Variants in PPARA observed in about 807,000 individuals in gnomAD.
The protein encoded by PPARA is peroxisome proliferator activated receptor alpha, also known as peroxisome proliferator-activated receptor alpha.
A neutral mutation model predicts 42.2 loss-of-function variants in PPARA; 22 were observed. That is an observed-to-expected ratio of 0.52 (90% CI 0.37 to 0.74). PPARA has a LOEUF of 0.74. Ranked by LOEUF, PPARA falls within the 30% of genes least tolerant of loss-of-function variation. The pLI is 0.00. For synonymous variants in PPARA, 242 were observed against 239.3 expected (o/e 1.01, Z -0.10); for missense variants, 465 against 608.2 (o/e 0.76, Z 2.48).
chr22:46,173,461 T>A lies in PPARA; in HGVS notation c.-126-3292T>A, dbSNP rs1309534842. Among the ~76,000 whole-genome samples the A allele has an allele frequency of 2.0e-5, 3 of 152,216 alleles. No homozygotes were observed. The highest frequency in any genetic ancestry group is 4.4e-5 in the Non-Finnish European group (3 of 68,046). On this transcript the variant is annotated intron_variant, in intron 2 of 8. Transcript: ENST00000407236. The surrounding 1 kb of genome is among the most constrained non-coding windows in gnomAD (Gnocchi z 4.3). ...GGTTCTTATTAACTGTGGATTCTTC[T>A]ATGCAGATATCTGTCACAATATAAG...
rs868126470 is a variant in PPARA, at chr22:46,187,462, C to G, written c.-43+10626C>G. On this transcript the variant is annotated intron_variant, in intron 3 of 8. Transcript: ENST00000407236. The surrounding 1 kb of genome is among the most constrained non-coding windows in gnomAD (Gnocchi z 4.9). ...AGTTGTCAGGATCAGCTCTTTATCT[C>G]GCAGTCCTCCTGCCTCTTGTGTCAT... 6.6e-5 allele frequency among the ~76,000 whole-genome samples: 10 copies of G among 152,234 alleles called. No homozygotes were observed. Among genetic ancestry groups the G allele is most frequent in the Non-Finnish European group, 8.8e-5 (6 of 68,046 alleles).
rs1450088396 is a variant in PPARA, at chr22:46,203,364, G to T, written c.208+4773G>T. Among the ~76,000 whole-genome samples the T allele has an allele frequency of 2.0e-5, 3 of 152,150 alleles. No individual in the cohort carries two copies. The highest frequency in any genetic ancestry group is 4.8e-5 in the African/African-American group (2 of 41,446). On this transcript the variant is annotated intron_variant, in intron 4 of 8. Transcript: ENST00000407236. This position sits in a 1 kb window ranked among gnomAD's most constrained non-coding sequence, Gnocchi z 5.8. The stretch of plus-strand genomic sequence containing the variant: ...CCAGGAGACCGGATGGGTGAGGCTG[G>T]TTCACTCGGCCAAAGTACCATTTTA...
intron 4 of PPARA, among the ~76,000 whole-genome samples, chr22:46,207,644 TTTATTATTATTATTA>T (rs34052175): frequency 6.5e-5 from 6 of 91,758 alleles, no homozygotes; most frequent in African/African-American, 2.0e-4. Flanking sequence ...AATTAATTAA[TTTATTATTATTATTA>T]TTATTATTAT....
chr22:46,163,466 A>G lies in PPARA; in HGVS notation c.-127+11496A>G, dbSNP rs1569186197. 1 of 152,236 alleles carries G rather than the reference A, an allele frequency of 6.6e-6. No homozygotes were observed. The highest frequency in any genetic ancestry group is 1.5e-5 in the Non-Finnish European group (1 of 68,050). 9.4% of individuals were successfully genotyped at this position (152,236 alleles called of 1,614,324 possible). A position where few individuals can be genotyped will look rare whatever the true frequency, so the allele number is the denominator to read the frequency against. On this transcript the variant is annotated intron_variant, in intron 2 of 8. Coordinates refer to ENST00000407236, the MANE Select transcript of PPARA (RefSeq NM_005036.6). This position sits in a 1 kb window ranked among gnomAD's most constrained non-coding sequence, Gnocchi z 4.9. ...CTCCGTCACTGATAGTTCTAGCCTGAAAAGCAAATGAGCCCTCATGCTCAC... is the reference window on the plus strand; with the variant it reads ...CTCCGTCACTGATAGTTCTAGCCTGGAAAGCAAATGAGCCCTCATGCTCAC...
intron 5 of PPARA, among the ~76,000 whole-genome samples, chr22:46,215,614 C>T (rs541310661): frequency 6.6e-6 from 1 of 151,792 alleles, no homozygotes; most frequent in East Asian, 1.9e-4. Flanking sequence ...TGGTGGTGGG[C>T]GCCTGTAAGC....
In PPARA at chr22:46,173,108, G is replaced by T. The variant is rs1928348197; in HGVS notation, c.-126-3645G>T. Among the ~76,000 whole-genome samples the T allele has an allele frequency of 6.6e-6, 1 of 152,170 alleles. No homozygotes were observed. Among genetic ancestry groups the T allele is most frequent in the African/African-American group, 2.4e-5 (1 of 41,444 alleles). On this transcript the variant is annotated intron_variant, in intron 2 of 8. Transcript: ENST00000407236. This position sits in a 1 kb window ranked among gnomAD's most constrained non-coding sequence, Gnocchi z 4.3. Reference sequence around the variant, plus strand: ...TGTCCTGCAACCAGCTCTTGCAGAAGGTACTTGGTTTATTGTTAACCGATG... The same window carrying T: ...TGTCCTGCAACCAGCTCTTGCAGAATGTACTTGGTTTATTGTTAACCGATG...
Position 46,167,864 on chromosome 22 carries a change from A to G in PPARA, c.-126-8889A>G, listed in dbSNP as rs1927306079. Among the ~76,000 whole-genome samples, 1 of 149,574 alleles carries G rather than the reference A, an allele frequency of 6.7e-6. No homozygotes were observed. The highest frequency in any genetic ancestry group is 2.5e-5 in the African/African-American group (1 of 39,570). ...CCGAGAGCAGCCTGGGCAACATAAC[A>G]AGAGTGGGTCTTTACCAAAAAAAAA... On this transcript the variant is annotated intron_variant, in intron 2 of 8. Coordinates refer to ENST00000407236, the MANE Select transcript of PPARA (RefSeq NM_005036.6). This position sits in a 1 kb window ranked among gnomAD's most constrained non-coding sequence, Gnocchi z 4.1.
intron 2 of PPARA, among the ~76,000 whole-genome samples, chr22:46,170,399 C>T (rs918636995): frequency 6.7e-5 from 8 of 120,174 alleles, no homozygotes; most frequent in African/African-American, 2.4e-4. Flanking sequence ...CCACACCCAG[C>T]TAATTTTTTT....
chr22:46,235,466 C>T lies in PPARA; in HGVS notation c.*86C>T. The T allele has an allele frequency of 6.6e-7, 1 of 1,524,312 alleles. No homozygotes were observed. Among genetic ancestry groups the T allele is most frequent in the Non-Finnish European group, 8.9e-7 (1 of 1,120,920 alleles). The allele number at this position is 1,524,312 out of a possible 1,614,324, so 94.4% of individuals were successfully genotyped here. A position where few individuals can be genotyped will look rare whatever the true frequency, so the allele number is the denominator to read the frequency against. ...GACGGGGGAGCAGCACGATTTTGCACAAATATCCACCACTTTAACCTTAGA... is the reference window on the plus strand; with the variant it reads ...GACGGGGGAGCAGCACGATTTTGCATAAATATCCACCACTTTAACCTTAGA... On this transcript the variant is annotated 3_prime_UTR_variant, in exon 9 of 9. Transcript: ENST00000407236. This position sits in a 1 kb window ranked among gnomAD's most constrained non-coding sequence, Gnocchi z 7.0.
intron 4 of PPARA, among the ~76,000 whole-genome samples, chr22:46,201,674 G>A (rs1430769310): frequency 6.6e-6 from 1 of 152,170 alleles, no homozygotes; most frequent in Admixed American, 6.5e-5. Flanking sequence ...GAGCAGCCTT[G>A]TGAGGTCGTT....
intron 3 of PPARA, 88 bp from the exon 4 acceptor site, chr22:46,198,254 G>C: frequency 2.9e-6 from 1 of 344,976 alleles, no homozygotes; most frequent in Non-Finnish European, 4.5e-6. Flanking sequence ...AAAAAAAAAA[G>C]AATAAATAAA....
At chr22:46,168,102 C>T (rs1041777192) in intron 2 of PPARA, among the ~76,000 whole-genome samples, 16 of 151,578 alleles carry the variant, frequency 1.1e-4, no homozygotes, top group African/African-American at 3.9e-4. Context: ...CCTGTAATCC[C>T]AGCACTTTGG....
chr22:46,169,480 C>T lies in PPARA; in HGVS notation c.-126-7273C>T, dbSNP rs553821695. 2.0e-5 allele frequency among the ~76,000 whole-genome samples: 3 copies of T among 151,744 alleles called. No homozygotes were observed. The Admixed American group carries it at 2.0e-4, about 10-fold the overall frequency. ...TGATCTCCTGCTGTCGTGATCTGCC[C>T]GCCTCGGCCTCCCAAAGTGCTGGGA... On this transcript the variant is annotated intron_variant, in intron 2 of 8. Coordinates refer to ENST00000407236, the MANE Select transcript of PPARA (RefSeq NM_005036.6).
chr22:46,214,336 C>G (rs4253729), intron 4 of PPARA, among the ~76,000 whole-genome samples: 8,199 of 135,144 alleles, frequency 0.061, 638 homozygotes, highest in African/African-American at 0.2. Context: ...GAGATGTGCG[C>G]GTACCCAGAG....
Position 46,239,833 on chromosome 22 carries a change from G to T in PPARA, c.*4453G>T, listed in dbSNP as rs765827277. 6.6e-5 allele frequency: 14 copies of T among 210,986 alleles called. No individual in the cohort carries two copies. Among genetic ancestry groups the T allele is most frequent in the Non-Finnish European group, 1.0e-4 (11 of 107,288 alleles). The allele number at this position is 210,986 out of a possible 1,614,324, so 13.1% of individuals were successfully genotyped here. On this transcript the variant is annotated 3_prime_UTR_variant, in exon 9 of 9. Transcript: ENST00000407236. ...CTTGCACCTGGGCCTCTCTGTGTTT[G>T]GTTCCAAGCACTTCCCACCTCAAAC... is the stretch of plus-strand genomic sequence containing the variant.
chr22:46,207,674 A>ATTTTTTTTTTTTTTTTTTTTTTTTT (rs1370055842), intron 4 of PPARA, among the ~76,000 whole-genome samples: 1 of 61,726 alleles, frequency 1.6e-5, no homozygotes, highest in Non-Finnish European at 3.0e-5. Flanking sequence ...TATTATTATT[A>ATTTTTTTTTTTTTTTTTTTTTTTTT]TTATTTTTTT....
At chr22:46,174,917 C>CT (rs199602689) in intron 2 of PPARA, among the ~76,000 whole-genome samples, 153 of 145,834 alleles carry the variant, frequency 1.0e-3, no homozygotes, top group East Asian at 9.0e-3. Flanking sequence ...GTTTTTTTTA[C>CT]TTTTTTTTTT....
At chr22:46,220,580 A>C in intron 7 of PPARA, 1 of 162,874 alleles carries the variant, frequency 6.1e-6, no homozygotes, top group Admixed American at 5.8e-5. Context: ...TGATCTTCCC[A>C]CCTCGGCCTC....
At chr22:46,206,089 T>C (rs935189487) in intron 4 of PPARA, among the ~76,000 whole-genome samples, 5 of 152,122 alleles carry the variant, frequency 3.3e-5, no homozygotes, top group African/African-American at 1.2e-4. Flanking sequence ...AATTGAGTCT[T>C]TTTTGTTTTG....
Sources: allele counts gnomAD v4.1 joint callset (sites outside exome capture counted in the v4.1 genomes callset), GRCh38; gene constraint gnomAD v4.1.1; non-coding constraint Gnocchi (gnomAD v3.1); transcripts MANE v1.5; gene names NCBI Gene and HGNC (gene_info 2026-07-23, HGNC 2026-07-21).